The following DNAH6 variants were observed in gnomAD, a reference collection of about 807,000 sequenced individuals.
DNAH6 encodes the protein dynein axonemal heavy chain 6, also known as axonemal beta dynein heavy chain 6.
DNAH6 carries 340 observed loss-of-function variants against 491.4 expected under a neutral mutation model. That is an observed-to-expected ratio of 0.69 (90% CI 0.63 to 0.76). The LOEUF (loss-of-function observed/expected upper bound fraction) is 0.76. Ranked by LOEUF, DNAH6 falls within the 30% of genes least tolerant of loss-of-function variation. The pLI, the probability that DNAH6 is intolerant of heterozygous loss-of-function variation, is 0.00. For missense variants in DNAH6, 4,443 were observed against 4,972.2 expected (o/e 0.89, Z 3.20); for synonymous variants, 1,603 against 1,686.1 (o/e 0.95, Z 1.21).
At chr2:84,763,009 G>A (rs1674736751) in intron 64 of DNAH6, 64 bp downstream of exon 64, 1 of 1,328,612 alleles carries the variant, frequency 7.5e-7, no homozygotes. Context: ...GTTAAAATTT[G>A]CCTTTGTTCT....
At chr2:84,553,927 T>A (rs765530952) in intron 10 of DNAH6, among the ~76,000 whole-genome samples, 4 of 152,206 alleles carry the variant, frequency 2.6e-5, no homozygotes, top group Non-Finnish European at 4.4e-5. Flanking sequence ...GGAGCTTCAC[T>A]GGCTACTCAG....
Position 84,653,636 on chromosome 2 carries a change from G to T in DNAH6, c.5396G>T (p.Gly1799Val), listed in dbSNP as rs746014803. The T allele has an allele frequency of 2.6e-6, 4 of 1,551,098 alleles. No individual in the cohort carries two copies. The highest frequency in any genetic ancestry group is 3.5e-6 in the Non-Finnish European group (4 of 1,146,678). The part of the protein sequence containing the change: ...YVLNPKSITM[G>V]ELYGEVNNLT... ...CTCAACCCTAAATCAATTACCATGG[G>T]TGAATTATATGGAGAGGTTAATAAC... The change falls in exon 34 of 77, where the codon GGT becomes GTT. Residue 1799 changes from glycine to valine, a missense_variant. Around this residue, in one of 3 missense-constraint regions of DNAH6, gnomAD observed 2,977 missense variants for 3,296.6 expected, o/e 0.90. Transcript: ENST00000389394.
chr2:84,812,342 C>T lies in DNAH6; in HGVS notation c.11741C>T (p.Thr3914Ile). 1 of 1,551,200 alleles carries T rather than the reference C, an allele frequency of 6.4e-7. No homozygotes were observed. ...CCAACCCCTTTTTTGTTCTTTCAGA[C>T]TTCTCTGGAAACACTCAACAAAGCC... ...RFNNLLKLIH[T>I]SLETLNKAIA... is the part of the protein sequence containing the mutation. Residue 3914 changes from threonine (T) to isoleucine (I), a missense_variant and splice_region_variant, in exon 73 of 77, where the codon ACT becomes ATT. By Grantham distance (89) the Thr-to-Ile change is moderately conservative. This residue lies in a region of DNAH6 where 1,463 missense variants were observed against 1,656.6 expected (regional missense o/e 0.88). Coordinates refer to ENST00000389394, the MANE Select transcript of DNAH6 (RefSeq NM_001370.2).
chr2:84,694,818 C>T (rs1695222053), intron 46 of DNAH6, among the ~76,000 whole-genome samples: 1 of 152,138 alleles, frequency 6.6e-6, no homozygotes, highest in Non-Finnish European at 1.5e-5. Context: ...GGAAACATGA[C>T]TTTACCTACA....
chr2:84,800,138 A>G (rs1057221212), intron 70 of DNAH6, among the ~76,000 whole-genome samples: 9 of 152,166 alleles, frequency 5.9e-5, no homozygotes, highest in Non-Finnish European at 1.2e-4. Flanking sequence ...TATGTAACCA[A>G]AGAACCCATA....
chr2:84,756,507 A>G (rs1674039461), intron 63 of DNAH6, among the ~76,000 whole-genome samples: 1 of 152,228 alleles, frequency 6.6e-6, no homozygotes, highest in South Asian at 2.1e-4. Flanking sequence ...AAGTGTAAGG[A>G]CAAGGGTTCT....
intron 11 of DNAH6, among the ~76,000 whole-genome samples, chr2:84,572,149 TG>T: frequency 6.6e-6 from 1 of 152,342 alleles, no homozygotes. Flanking sequence ...AATGTCCTTG[TG>T]TTTAGTAAGT....
At chr2:84,727,569 T>C in intron 60 of DNAH6, 100 bp from the exon 61 acceptor site, 2 of 698,174 alleles carry the variant, frequency 2.9e-6, no homozygotes, top group Non-Finnish European at 5.0e-6. Context: ...TCTCCCATGC[T>C]GCCATTTACT....
At position 84,688,523 on chromosome 2, in the gene DNAH6, G is replaced by A. The variant is rs774955917; in HGVS notation, c.7222G>A (p.Asp2408Asn). 119 of 1,543,150 alleles carry A rather than the reference G, an allele frequency of 7.7e-5. No homozygotes were observed. Among genetic ancestry groups the A allele is most frequent in the Non-Finnish European group, 1.0e-4 (116 of 1,145,238 alleles). ...AAATGTTCTACAGGACTATCTTGAT[G>A]ATTATAATCTCACAAATCCCAAAGA... ...TANVLQDYLDDYNLTNPKEVK... is the reference protein window; with the variant it reads ...TANVLQDYLDNYNLTNPKEVK... Residue 2408 changes from aspartate to asparagine, a missense_variant, in exon 45 of 77, where the codon GAT becomes AAT. Transcript: ENST00000389394.
At chr2:84,762,375 A>G (rs555712855) in intron 63 of DNAH6, among the ~76,000 whole-genome samples, 7 of 152,310 alleles carry the variant, frequency 4.6e-5, no homozygotes, top group African/African-American at 1.7e-4. Flanking sequence ...TTGTATGATG[A>G]TAGGAATATC....
chr2:84,551,544 C>G (rs1423644440), intron 9 of DNAH6, among the ~76,000 whole-genome samples: 1 of 152,084 alleles, frequency 6.6e-6, no homozygotes, highest in African/African-American at 2.4e-5. Context: ...AAATAATTTT[C>G]TATTATTGAT....
chr2:84,725,942 T>G (rs1698582002), intron 60 of DNAH6, among the ~76,000 whole-genome samples: 1 of 152,164 alleles, frequency 6.6e-6, no homozygotes, highest in South Asian at 2.1e-4. Flanking sequence ...CTCTATTACC[T>G]TTGTCAACAA....
intron 4 of DNAH6, among the ~76,000 whole-genome samples, chr2:84,530,146 G>T (rs1677022109): frequency 6.6e-6 from 1 of 152,130 alleles, no homozygotes; most frequent in Non-Finnish European, 1.5e-5. Context: ...TATCAAAATT[G>T]TTGCCCTCAT....
At chr2:84,610,322 A>G (rs768366040) in intron 21 of DNAH6, among the ~76,000 whole-genome samples, 2 of 152,172 alleles carry the variant, frequency 1.3e-5, no homozygotes, top group Non-Finnish European at 2.9e-5. Flanking sequence ...TAACATAAAC[A>G]TAATTATGTA....
Position 84,658,335 on chromosome 2 carries a change from G to A in DNAH6, c.5801G>A (p.Arg1934His), listed in dbSNP as rs772574148. 26 of 1,543,820 alleles carry A rather than the reference G, an allele frequency of 1.7e-5. No individual in the cohort carries two copies. The highest frequency in any genetic ancestry group is 1.7e-4 in the African/African-American group (12 of 72,624). ...TQEYILNLFQ[R>H]YVDEGLHFIN... is the part of the protein sequence containing the mutation. Reference sequence around the variant, plus strand: ...GAATATATATTGAATCTTTTCCAACGTTATGTTGATGAAGGTTTACATTTT... The same window carrying A: ...GAATATATATTGAATCTTTTCCAACATTATGTTGATGAAGGTTTACATTTT... The change falls in exon 36 of 77, where the codon CGT (arginine) becomes CAT (histidine). Residue 1934 changes from arginine (R) to histidine (H), a missense_variant. This residue lies in a region of DNAH6 where 2,977 missense variants were observed against 3,296.6 expected (regional missense o/e 0.90). Transcript: ENST00000389394.
At chr2:84,514,898 C>CACACACACACACTT (rs1457767360), upstream of DNAH6, among the ~76,000 whole-genome samples, 1 of 151,874 alleles carries the variant, frequency 6.6e-6, no homozygotes, top group Non-Finnish European at 1.5e-5. Flanking sequence ...CACACACACA[C>CACACACACACACTT]ACTTCTTAGC....
At chr2:84,525,809 T>C in intron 3 of DNAH6, 71 bp downstream of exon 3, 1 of 1,126,898 alleles carries the variant, frequency 8.9e-7, no homozygotes, top group African/African-American at 1.6e-5. Flanking sequence ...TAGCATACTT[T>C]TAACTCATAA....
At chr2:84,478,621 T>C in the DNAH6 span, among the ~76,000 whole-genome samples, 1 of 152,130 alleles carries the variant, frequency 6.6e-6, no homozygotes, top group African/African-American at 2.4e-5. Flanking sequence ...TTTGGCCCCC[T>C]GAAAAGCCAA....
chr2:84,506,779 A>G, the DNAH6 span, among the ~76,000 whole-genome samples: 2 of 152,120 alleles, frequency 1.3e-5, no homozygotes, highest in African/African-American at 2.4e-5. Context: ...TCAGCTTTCT[A>G]CATATGGCTA....
Sources: allele counts gnomAD v4.1 joint callset (sites outside exome capture counted in the v4.1 genomes callset), GRCh38; gene constraint gnomAD v4.1.1; regional missense constraint gnomAD v4.1.1; transcripts MANE v1.5; gene names NCBI Gene and HGNC (gene_info 2026-07-23, HGNC 2026-07-21).